SLC16A4: variants seen among roughly 807,000 people sequenced by gnomAD.
The protein encoded by SLC16A4 is solute carrier family 16 member 4.
SLC16A4 carries 39 observed loss-of-function variants against 47.9 expected under a neutral mutation model. That is an observed-to-expected ratio of 0.81 (90% CI 0.63 to 1.06). The LOEUF (loss-of-function observed/expected upper bound fraction) is 1.06. Ranked by LOEUF, SLC16A4 falls within the 50% of genes least tolerant of loss-of-function variation. The pLI, the probability that SLC16A4 is intolerant of heterozygous loss-of-function variation, is 0.00. For synonymous variants in SLC16A4, 189 were observed against 199.9 expected (o/e 0.95, Z 0.46); for missense variants, 524 against 573.8 (o/e 0.91, Z 0.89).
rs1041434104 is a variant in SLC16A4, at chr1:110,383,031, C to T, written c.88-65G>A. The T allele has an allele frequency of 2.1e-6, 3 of 1,421,598 alleles. No homozygotes were observed. The African/African-American group carries it at 4.3e-5, about 20-fold the overall frequency. 88.1% of individuals were successfully genotyped at this position (1,421,598 alleles called of 1,614,324 possible). A position where few individuals can be genotyped will look rare whatever the true frequency, so the allele number is the denominator to read the frequency against. On this transcript the variant is annotated intron_variant, in intron 2 of 8. Coordinates refer to ENST00000369779, the MANE Select transcript of SLC16A4 (RefSeq NM_004696.3). ...TGAGCCATTACAGAGGCAATTACGGCTACTAGAAGTTATGATTCCCTCAGC... is the reference window on the plus strand; with the variant it reads ...TGAGCCATTACAGAGGCAATTACGGTTACTAGAAGTTATGATTCCCTCAGC...
At chr1:110,380,671 A>G (rs1477170067) in intron 5 of SLC16A4, among the ~76,000 whole-genome samples, 1 of 151,994 alleles carries the variant, frequency 6.6e-6, no homozygotes, top group Admixed American at 6.6e-5. Context: ...TTTCCCCAGA[A>G]GTATCGCTTT....
At chr1:110,363,921 G>C in intron 8 of SLC16A4, 28 bp from the exon 9 acceptor site, 1 of 1,585,096 alleles carries the variant, frequency 6.3e-7, no homozygotes. Flanking sequence ...TTTCTGTTAG[G>C]GAAGGAAATT....
At position 110,391,013 on chromosome 1, in the gene SLC16A4, A is replaced by G. The variant is rs959301455; in HGVS notation, c.-181T>C. ...AAACAAGTGAGCATTGTAAGAGCCA[A>G]GGAGGGCTCAGACGATTTAGGCCCT... On this transcript the variant is annotated 5_prime_UTR_variant, in exon 1 of 9. Coordinates refer to ENST00000369779, the MANE Select transcript of SLC16A4 (RefSeq NM_004696.3). The G allele has an allele frequency of 1.3e-5, 2 of 152,248 alleles. No homozygotes were observed. The highest frequency in any genetic ancestry group is 4.8e-5 in the African/African-American group (2 of 41,466). 9.4% of individuals were successfully genotyped at this position (152,248 alleles called of 1,614,324 possible). A position where few individuals can be genotyped will look rare whatever the true frequency, so the allele number is the denominator to read the frequency against.
intron 7 of SLC16A4, among the ~76,000 whole-genome samples, 185 bp from the exon 8 acceptor site, chr1:110,375,736 C>T (rs563104977): frequency 1.3e-5 from 2 of 152,240 alleles, no homozygotes; most frequent in Admixed American, 6.5e-5. Flanking sequence ...ACAGTAAATG[C>T]TAGGCAGGCA....
At position 110,380,058 on chromosome 1, in the gene SLC16A4, C is replaced by CAAAAAAAAAAAAAAAAAAAAA. The variant is rs542273389; in HGVS notation, c.527-703_527-702insTTTTTTTTTTTTTTTTTTTTT. ...AATGACAAAGCGAGAGAGCCTGTCT[C>CAAAAAAAAAAAAAAAAAAAAA]AAAAAAAAAAAAAAAGCAGCGGGAG... On this transcript the variant is annotated intron_variant, in intron 5 of 8. Coordinates refer to ENST00000369779, the MANE Select transcript of SLC16A4 (RefSeq NM_004696.3). Among the ~76,000 whole-genome samples the CAAAAAAAAAAAAAAAAAAAAA allele has an allele frequency of 1.1e-3, 110 of 96,212 alleles. 4 individuals carry two copies. The highest frequency in any genetic ancestry group is 4.0e-3 in the African/African-American group (92 of 22,760). 63.1% of individuals were successfully genotyped at this position (96,212 alleles called of 152,430 possible). A position where few individuals can be genotyped will look rare whatever the true frequency, so the allele number is the denominator to read the frequency against.
At chr1:110,389,444 T>C in intron 1 of SLC16A4, 89 bp from the exon 2 acceptor site, 1 of 837,190 alleles carries the variant, frequency 1.2e-6, no homozygotes, top group Non-Finnish European at 1.9e-6. Flanking sequence ...GTTCATACAT[T>C]GTTGGTGGGA....
intron 3 of SLC16A4, 115 bp downstream of exon 3, chr1:110,382,719 A>G: frequency 9.5e-7 from 1 of 1,052,974 alleles, no homozygotes; most frequent in Non-Finnish European, 1.3e-6. Context: ...GTTACATATC[A>G]GTAAATGAAC....
intron 6 of SLC16A4, among the ~76,000 whole-genome samples, chr1:110,378,623 ATAAGAC>A (rs1388543710): frequency 6.6e-6 from 1 of 152,194 alleles, no homozygotes; most frequent in Non-Finnish European, 1.5e-5. Context: ...ATGAAGATGA[ATAAGAC>A]TTGATTTAGG....
At chr1:110,381,908 A>G in intron 3 of SLC16A4, 113 bp from the exon 4 acceptor site, 1 of 977,272 alleles carries the variant, frequency 1.0e-6, no homozygotes, top group Non-Finnish European at 1.6e-6. Flanking sequence ...TTTACTTTGA[A>G]GTATTACGTA....
At position 110,363,678 on chromosome 1, in the gene SLC16A4, G is replaced by A. The variant is rs553008622; in HGVS notation, c.*88C>T. ...CTTCTCATGTTACAAATGTAGATGCGATGTGTTTCTTTCAAGCTTTTGTTT... is the reference window on the plus strand; with the variant it reads ...CTTCTCATGTTACAAATGTAGATGCAATGTGTTTCTTTCAAGCTTTTGTTT... On this transcript the variant is annotated 3_prime_UTR_variant, in exon 9 of 9. Coordinates refer to ENST00000369779, the MANE Select transcript of SLC16A4 (RefSeq NM_004696.3). 79 of 1,221,352 alleles carry A rather than the reference G, an allele frequency of 6.5e-5. No individual in the cohort carries two copies. Among genetic ancestry groups the A allele is most frequent in the African/African-American group, 4.2e-4 (27 of 64,530 alleles). The allele number at this position is 1,221,352 out of a possible 1,614,324, so 75.7% of individuals were successfully genotyped here.
At position 110,382,932 on chromosome 1, in the gene SLC16A4, A is replaced by G. The variant is rs774051411; in HGVS notation, c.122T>C (p.Phe41Ser). ...TTGAAAGACCACAAAGAAAATTGCA[A>G]AAGTCTTGGTCATCCCCATCACAAA... ...NVFVMGMTKT[F>S]AIFFVVFQEE... is the part of the protein sequence containing the mutation. Residue 41 changes from phenylalanine to serine, a missense_variant, in exon 3 of 9, where the codon TTT becomes TCT. Physicochemically the swap from Phe to Ser is radical, Grantham distance 155. Transcript: ENST00000369779. The G allele has an allele frequency of 4.3e-6, 7 of 1,612,482 alleles. No individual in the cohort carries two copies. The highest frequency in any genetic ancestry group is 5.1e-6 in the Non-Finnish European group (6 of 1,178,892).
Position 110,377,005 on chromosome 1 carries a change from G to A in SLC16A4, c.1187C>T (p.Thr396Ile). 3.1e-6 allele frequency: 5 copies of A among 1,614,152 alleles called. No homozygotes were observed. Among genetic ancestry groups the A allele is most frequent in the African/African-American group, 2.7e-5 (2 of 75,056 alleles). ...ACCAGCAAAGATGGCAAAGCAGATG[G>A]TGTAGGTCATAAGTAGTGGAAATGT... ...ATTFPLLMTY[T>I]ICFAIFAGGY... is the part of the protein sequence containing the mutation. Residue 396 changes from threonine to isoleucine, a missense_variant, in exon 7 of 9, where the codon ACC (threonine) becomes ATC (isoleucine). Thr to Ile is a moderately conservative substitution (Grantham distance 89). Coordinates refer to ENST00000369779, the MANE Select transcript of SLC16A4 (RefSeq NM_004696.3).
At chr1:110,366,955 G>A (rs904346910) in intron 8 of SLC16A4, among the ~76,000 whole-genome samples, 5 of 152,250 alleles carry the variant, frequency 3.3e-5, no homozygotes, top group African/African-American at 1.2e-4. Context: ...AGATCCAATT[G>A]CCATTCAATA....
At chr1:110,373,090 T>C (rs1661771906) in intron 8 of SLC16A4, 1 of 152,232 alleles carries the variant, frequency 6.6e-6, no homozygotes, top group African/African-American at 2.4e-5. Context: ...CATATATACC[T>C]GTAGCTTTTT....
chr1:110,374,349 A>T (rs993644845), intron 8 of SLC16A4, among the ~76,000 whole-genome samples: 2 of 152,288 alleles, frequency 1.3e-5, no homozygotes, highest in Non-Finnish European at 2.9e-5. Context: ...CCCCTTTCTC[A>T]GTCTTAAGAG....
At chr1:110,384,868 T>C (rs1662648843) in intron 2 of SLC16A4, among the ~76,000 whole-genome samples, 1 of 152,100 alleles carries the variant, frequency 6.6e-6, no homozygotes, top group South Asian at 2.1e-4. Flanking sequence ...AAAAATTAGC[T>C]GGGCGTAGTG....
intron 8 of SLC16A4, among the ~76,000 whole-genome samples, chr1:110,366,667 C>T (rs1466627619): frequency 6.6e-6 from 1 of 152,182 alleles, no homozygotes; most frequent in Non-Finnish European, 1.5e-5. Flanking sequence ...GCAATAGGCT[C>T]TACCATATAG....
chr1:110,384,942 G>GGT (rs1257145270), intron 2 of SLC16A4, among the ~76,000 whole-genome samples: 1 of 152,202 alleles, frequency 6.6e-6, no homozygotes, highest in Non-Finnish European at 1.5e-5. Context: ...GAACCTGGGA[G>GGT]GTCGAGGGTA....
intron 8 of SLC16A4, among the ~76,000 whole-genome samples, chr1:110,374,810 C>T (rs1286380468): frequency 6.6e-6 from 1 of 152,224 alleles, no homozygotes; most frequent in African/African-American, 2.4e-5. Context: ...TCCTCCCATC[C>T]TTGGTACTGA....
Sources: gnomAD v4.1 joint callset for allele counts (sites outside exome capture counted in the v4.1 genomes callset) on GRCh38, gnomAD v4.1.1 for gene constraint, MANE v1.5 for transcripts, NCBI Gene and HGNC (gene_info 2026-07-23, HGNC 2026-07-21) for gene names.